C8orf34: variants seen among roughly 807,000 people sequenced by gnomAD.
C8orf34 encodes the protein uncharacterized protein C8orf34.
C8orf34 carries 65 observed loss-of-function variants against 68.3 expected under a neutral mutation model. That is an observed-to-expected ratio of 0.95 (90% CI 0.78 to 1.17). C8orf34 has a LOEUF of 1.17. Ranked by LOEUF, C8orf34 falls within the 50% of genes most tolerant of loss-of-function variation. The probability of loss-of-function intolerance (pLI) is 0.00; values close to 1 mark genes in which losing one functional copy is unlikely to be tolerated. For synonymous variants in C8orf34, 244 were observed against 241.2 expected, an observed-to-expected ratio of 1.01 and a Z score of -0.11; for missense variants, 664 against 655.4, an observed-to-expected ratio of 1.01 and a Z score of -0.14.
At chr8:68,389,845 A>G (rs1808408743) in intron 1 of C8orf34, among the ~76,000 whole-genome samples, 1 of 152,182 alleles carries the variant, frequency 6.6e-6, no homozygotes, top group African/African-American at 2.4e-5. Flanking sequence ...TTTTCACAGA[A>G]AGCAAAATCT....
At chr8:68,338,603 T>C (rs763921919) in intron 1 of C8orf34, among the ~76,000 whole-genome samples, 1 of 152,188 alleles carries the variant, frequency 6.6e-6, no homozygotes, top group Admixed American at 6.5e-5. Flanking sequence ...CATCTTTAAG[T>C]TAATAATTAT....
chr8:68,778,561 A>C (rs1823585631), intron 11 of C8orf34, among the ~76,000 whole-genome samples: 1 of 152,148 alleles, frequency 6.6e-6, no homozygotes, highest in African/African-American at 2.4e-5. Flanking sequence ...GCTTTTATTC[A>C]ACATCTTCTA....
chr8:68,572,155 A>G (rs1003824276), intron 7 of C8orf34, among the ~76,000 whole-genome samples: 9 of 151,972 alleles, frequency 5.9e-5, no homozygotes, highest in African/African-American at 2.2e-4. Context: ...AAAATATATT[A>G]TTATAATCTT....
In C8orf34 at chr8:68,650,450, G is replaced by A. The variant is rs546903563; in HGVS notation, c.1241+9939G>A. On this transcript the variant is annotated intron_variant, in intron 8 of 13. Coordinates refer to ENST00000518698, the MANE Select transcript of C8orf34 (RefSeq NM_052958.4). ...CCAGGTGTGTCATTTGCATCGAGCGGGAAAAGGCTGGCCGCCCCACCCTAG... is the reference window on the plus strand; with the variant it reads ...CCAGGTGTGTCATTTGCATCGAGCGAGAAAAGGCTGGCCGCCCCACCCTAG... 1.2e-4 allele frequency among the ~76,000 whole-genome samples: 18 copies of A among 151,500 alleles called. No individual in the cohort carries two copies. In the South Asian group the frequency reaches 3.7e-3, roughly 32 times the overall value.
intron 10 of C8orf34, among the ~76,000 whole-genome samples, chr8:68,749,302 G>T (rs1822624195): frequency 6.6e-6 from 1 of 152,102 alleles, no homozygotes; most frequent in African/African-American, 2.4e-5. Context: ...ACGAGTTAGA[G>T]GGTGCAGTGC....
intron 6 of C8orf34, among the ~76,000 whole-genome samples, chr8:68,526,686 C>CAAAAAA (rs370357862): frequency 3.0e-5 from 4 of 133,242 alleles, no homozygotes; most frequent in African/African-American, 5.5e-5. Flanking sequence ...TGACTGGAGT[C>CAAAAAA]AAAAAAAAAA....
At chr8:68,592,895 T>A (rs911034515) in intron 7 of C8orf34, among the ~76,000 whole-genome samples, 1 of 152,086 alleles carries the variant, frequency 6.6e-6, no homozygotes, top group African/African-American at 2.4e-5. Flanking sequence ...TCTTTTTTAA[T>A]CCTTCCATCT....
intron 1 of C8orf34, among the ~76,000 whole-genome samples, chr8:68,332,377 G>A (rs1175716431): frequency 2.2e-5 from 1 of 44,920 alleles, no homozygotes; most frequent in African/African-American, 1.0e-4. Context: ...CCTTGCCCCC[G>A]CCTTGCCCCC....
At chr8:68,460,119 C>T (rs528176037) in intron 3 of C8orf34, among the ~76,000 whole-genome samples, 227 of 152,142 alleles carry the variant, frequency 1.5e-3, no homozygotes, top group African/African-American at 4.9e-3. Flanking sequence ...GCTTAAAAAA[C>T]GGAGTACCAG....
At chr8:68,778,095 CACAG>C (rs1279656555) in intron 11 of C8orf34, among the ~76,000 whole-genome samples, 7 of 152,300 alleles carry the variant, frequency 4.6e-5, no homozygotes, top group Admixed American at 3.9e-4. Flanking sequence ...TGGCTTTTCT[CACAG>C]ACAATCCATT....
At chr8:68,469,826 A>G (rs1477565049) in intron 4 of C8orf34, among the ~76,000 whole-genome samples, 1 of 151,804 alleles carries the variant, frequency 6.6e-6, no homozygotes, top group Non-Finnish European at 1.5e-5. Context: ...TAATTTCATT[A>G]TTTTTATCAA....
intron 10 of C8orf34, among the ~76,000 whole-genome samples, chr8:68,741,353 G>A (rs1043542318): frequency 6.6e-6 from 1 of 151,906 alleles, no homozygotes; most frequent in Non-Finnish European, 1.5e-5. Flanking sequence ...GTACATTGGT[G>A]GATATATTTA....
intron 10 of C8orf34, among the ~76,000 whole-genome samples, chr8:68,733,938 T>A (rs1444630254): frequency 6.6e-6 from 1 of 152,196 alleles, no homozygotes; most frequent in Admixed American, 6.5e-5. Flanking sequence ...TTAGTATTTC[T>A]CAAGAATTGT....
intron 3 of C8orf34, among the ~76,000 whole-genome samples, chr8:68,458,188 G>A (rs569028669): frequency 2.0e-5 from 3 of 152,230 alleles, no homozygotes; most frequent in South Asian, 4.1e-4. Context: ...CTCAAAAGTC[G>A]CCAAGGAAAT....
intron 7 of C8orf34, among the ~76,000 whole-genome samples, chr8:68,631,611 G>T (rs1353609525): frequency 6.6e-6 from 1 of 151,994 alleles, no homozygotes; most frequent in East Asian, 1.9e-4. Flanking sequence ...ATATTGTTTG[G>T]CTCTGTGTCC....
At chr8:68,672,925 C>G (rs372171028) in intron 8 of C8orf34, among the ~76,000 whole-genome samples, 1 of 152,152 alleles carries the variant, frequency 6.6e-6, no homozygotes, top group Non-Finnish European at 1.5e-5. Flanking sequence ...ATCTTGGATA[C>G]CAGCTCAGTC....
chr8:68,402,015 T>G (rs1270265256), intron 1 of C8orf34, among the ~76,000 whole-genome samples: 1 of 152,070 alleles, frequency 6.6e-6, no homozygotes, highest in East Asian at 1.9e-4. Flanking sequence ...TTTGGTAAAA[T>G]TTGGCTACAA....
intron 1 of C8orf34, among the ~76,000 whole-genome samples, chr8:68,401,239 G>C (rs1202580144): frequency 1.3e-5 from 2 of 151,382 alleles, no homozygotes; most frequent in Non-Finnish European, 2.9e-5. Flanking sequence ...TCATGAAACT[G>C]TACTGAATGT....
At chr8:68,816,683 G>A (rs1325569015) in intron 13 of C8orf34, among the ~76,000 whole-genome samples, 2 of 152,080 alleles carry the variant, frequency 1.3e-5, no homozygotes, top group Admixed American at 6.6e-5. Context: ...AATTGCTCTT[G>A]AGTCAATAAT....
Sources: gnomAD v4.1 joint callset for allele counts (sites outside exome capture counted in the v4.1 genomes callset) on GRCh38, gnomAD v4.1.1 for gene constraint, MANE v1.5 for transcripts, NCBI Gene and HGNC (gene_info 2026-07-23, HGNC 2026-07-21) for gene names.